HDAC8: variants seen among roughly 807,000 people sequenced by gnomAD.
The protein encoded by HDAC8 is histone deacetylase-like 1.
A neutral mutation model predicts 32.2 loss-of-function variants in HDAC8; 1 was observed. The ratio of observed to expected loss-of-function variants is 0.03; its 90% CI spans 0.01 to 0.15. The LOEUF (loss-of-function observed/expected upper bound fraction) is 0.15. Ranked by LOEUF, HDAC8 falls within the 10% of genes least tolerant of loss-of-function variation. HDAC8 has a pLI of 1.00. For synonymous variants in HDAC8, 108 were observed against 113.9 expected (o/e 0.95, Z 0.33); for missense variants, 117 against 300.0 (o/e 0.39, Z 4.51).
intron 4 of HDAC8, among the ~76,000 whole-genome samples, chrX:72,555,925 A>G (rs782062877): frequency 5.3e-5 from 6 of 112,462 alleles, no homozygotes; most frequent in Non-Finnish European, 9.4e-5. Context: ...ATTCATTGCA[A>G]AATGATCATC....
At chrX:72,351,124 TTG>T in intron 10 of HDAC8, 1 of 134,209 alleles carries the variant, frequency 7.5e-6, no homozygotes. Context: ...TTTTTTTTTT[TTG>T]GGACAGGGTC....
At chrX:72,545,074 T>C (rs942600219) in intron 4 of HDAC8, among the ~76,000 whole-genome samples, 2 of 110,711 alleles carry the variant, frequency 1.8e-5, no homozygotes, top group Non-Finnish European at 3.8e-5. Context: ...CCTAGCAGTG[T>C]GAGGGGTGGG....
At chrX:72,392,914 T>C (rs1395531999) in intron 9 of HDAC8, among the ~76,000 whole-genome samples, 4 of 112,012 alleles carry the variant, frequency 3.6e-5, no homozygotes, top group Admixed American at 9.5e-5. Flanking sequence ...ATTAATACTA[T>C]GTTAGCTAGA....
intron 4 of HDAC8, among the ~76,000 whole-genome samples, chrX:72,555,023 G>A (rs1417646780): frequency 8.9e-6 from 1 of 112,036 alleles, no homozygotes; most frequent in African/African-American, 3.2e-5. Context: ...TCACTCCCCT[G>A]CTACCTCCAC....
chrX:72,472,263 T>A (rs1255650998), intron 7 of HDAC8, among the ~76,000 whole-genome samples: 2 of 108,870 alleles, frequency 1.8e-5, no homozygotes, highest in Admixed American at 1.9e-4. Flanking sequence ...GAGACGGGGT[T>A]TCACCGTTTT....
chrX:72,567,114 T>A (rs1556136032), intron 4 of HDAC8, among the ~76,000 whole-genome samples: 1 of 111,994 alleles, frequency 8.9e-6, no homozygotes, highest in African/African-American at 3.2e-5. Context: ...AACTGCACTC[T>A]AGCCTGAACG....
intron 9 of HDAC8, among the ~76,000 whole-genome samples, chrX:72,444,759 G>C (rs1403154824): frequency 5.8e-5 from 6 of 102,732 alleles, no homozygotes; most frequent in Non-Finnish European, 7.9e-5. Flanking sequence ...CCTGTTTGCA[G>C]ATGACATGAT....
At chrX:72,390,436 T>C (rs886204142) in intron 9 of HDAC8, among the ~76,000 whole-genome samples, 2 of 112,495 alleles carry the variant, frequency 1.8e-5, no homozygotes, top group Non-Finnish European at 3.8e-5. Context: ...TTCTAGCTAT[T>C]TGAAAATATA....
chrX:72,523,592 C>G (rs1255550925), intron 4 of HDAC8, among the ~76,000 whole-genome samples: 1 of 111,274 alleles, frequency 9.0e-6, no homozygotes, highest in Non-Finnish European at 1.9e-5. Context: ...AATGTTGATG[C>G]TCTCTTCTCT....
At position 72,430,131 on chromosome X, in the gene HDAC8, A is replaced by G. The variant is rs182938327; in HGVS notation, c.1005+31873T>C. ...CTTTTGGATGTAAATATCTATGTCT[A>G]CTTTTCTTCTTTTCTTTTTTCCTCT... is the stretch of plus-strand genomic sequence containing the variant. On this transcript the variant is annotated intron_variant, in intron 9 of 10. Coordinates refer to ENST00000373573, the MANE Select transcript of HDAC8 (RefSeq NM_018486.3). Among the ~76,000 whole-genome samples, 18 of 112,294 alleles carry G rather than the reference A, an allele frequency of 1.6e-4. No homozygotes were observed. The East Asian group carries it at 4.2e-3, about 26-fold the overall frequency.
intron 4 of HDAC8, among the ~76,000 whole-genome samples, chrX:72,547,282 C>A (rs1232204135): frequency 3.6e-5 from 4 of 109,903 alleles, no homozygotes; most frequent in African/African-American, 1.3e-4. Context: ...CTCTTCTGCC[C>A]CCTTGGGATT....
At chrX:72,491,042 C>T in intron 5 of HDAC8, 36 bp from the exon 6 acceptor site, 1 of 973,901 alleles carries the variant, frequency 1.0e-6, no homozygotes, top group African/African-American at 1.9e-5. Flanking sequence ...AATCACTTCA[C>T]ATATGGCATT....
At chrX:72,569,810 T>C (rs2051947560) in intron 2 of HDAC8, among the ~76,000 whole-genome samples, 1 of 112,395 alleles carries the variant, frequency 8.9e-6, no homozygotes, top group Non-Finnish European at 1.9e-5. Context: ...GGGTGGTCCA[T>C]AGACCAGGAG....
chrX:72,466,762 A>G (rs1422189921), intron 7 of HDAC8: 2 of 112,390 alleles, frequency 1.8e-5, no homozygotes, highest in African/African-American at 6.5e-5. Context: ...GAACTTGTAC[A>G]TGAATGTTCG....
At chrX:72,510,710 A>C (rs969550872) in intron 4 of HDAC8, among the ~76,000 whole-genome samples, 1 of 111,752 alleles carries the variant, frequency 8.9e-6, no homozygotes, top group Non-Finnish European at 1.9e-5. Flanking sequence ...TAAATTGAGT[A>C]GATAGGTCAT....
At chrX:72,372,563 T>C (rs2044911973) in intron 9 of HDAC8, among the ~76,000 whole-genome samples, 1 of 111,074 alleles carries the variant, frequency 9.0e-6, no homozygotes, top group Non-Finnish European at 1.9e-5. Flanking sequence ...ACTGAGGAAG[T>C]AGAGTTGTTA....
chrX:72,378,418 G>A (rs1205888511), intron 9 of HDAC8, among the ~76,000 whole-genome samples: 4 of 111,410 alleles, frequency 3.6e-5, no homozygotes, highest in African/African-American at 9.8e-5. Context: ...ACCTTTTGCC[G>A]TGTTGTGACA....
At chrX:72,491,771 G>A (rs901365498) in intron 5 of HDAC8, among the ~76,000 whole-genome samples, 1 of 111,596 alleles carries the variant, frequency 9.0e-6, no homozygotes, top group South Asian at 3.8e-4. Context: ...AAGCCTCTAC[G>A]TATACAGGTA....
chrX:72,344,412 C>T (rs782053948), intron 10 of HDAC8, among the ~76,000 whole-genome samples: 1 of 112,072 alleles, frequency 8.9e-6, no homozygotes, highest in Non-Finnish European at 1.9e-5. Context: ...TCCCAAAACA[C>T]ACACTAAATA....
Sources: gnomAD v4.1 joint callset for allele counts (sites outside exome capture counted in the v4.1 genomes callset) on GRCh38, gnomAD v4.1.1 for gene constraint, MANE v1.5 for transcripts, NCBI Gene and HGNC (gene_info 2026-07-23, HGNC 2026-07-21) for gene names.